Variants in ME1 observed in about 807,000 individuals in gnomAD.
ME1 encodes the protein NADP-dependent malic enzyme.
Under a neutral mutation model 66.4 loss-of-function variants are expected in ME1, and 74 were observed. The observed-to-expected ratio is 1.11, with a 90% CI of 0.92 to 1.35. The LOEUF is 1.35. ME1 is among the 40% of genes most tolerant of loss of function. The pLI is 0.00. For missense variants in ME1, 750 were observed against 694.1 expected (o/e 1.08, Z -0.90); for synonymous variants, 251 against 235.6 (o/e 1.07, Z -0.60).
intron 11 of ME1, among the ~76,000 whole-genome samples, chr6:83,224,320 G>A (rs1163481126): frequency 6.6e-6 from 1 of 152,126 alleles, no homozygotes; most frequent in Non-Finnish European, 1.5e-5. Flanking sequence ...GATATTTTAG[G>A]TTGGGGTTTA....
At chr6:83,242,892 G>A (rs1790534865) in intron 7 of ME1, among the ~76,000 whole-genome samples, 1 of 152,024 alleles carries the variant, frequency 6.6e-6, no homozygotes, top group Admixed American at 6.6e-5. Context: ...AAAAACCCAG[G>A]TATAGGAGGC....
intron 13 of ME1, among the ~76,000 whole-genome samples, chr6:83,214,013 A>T (rs1025257395): frequency 6.6e-5 from 10 of 152,318 alleles, no homozygotes; most frequent in African/African-American, 2.4e-4. Flanking sequence ...CTTTTTAAAC[A>T]GATTTATTGA....
intron 9 of ME1, among the ~76,000 whole-genome samples, chr6:83,236,730 A>T (rs994547032): frequency 6.6e-6 from 1 of 152,190 alleles, no homozygotes; most frequent in Non-Finnish European, 1.5e-5. Context: ...GTTTTCTCTC[A>T]GGAATTCCCA....
chr6:83,297,259 G>GA (rs1207500206), intron 6 of ME1, among the ~76,000 whole-genome samples: 2 of 152,068 alleles, frequency 1.3e-5, no homozygotes, highest in Non-Finnish European at 2.9e-5. Flanking sequence ...CCAGAGAGTT[G>GA]AAAGACCTCT....
intron 3 of ME1, among the ~76,000 whole-genome samples, chr6:83,377,630 AAT>A (rs575059791): frequency 7.2e-5 from 11 of 152,116 alleles, no homozygotes; most frequent in Admixed American, 6.5e-4. Flanking sequence ...TATATAATAT[AAT>A]AATTTAATTT....
chr6:83,414,602 C>T lies in ME1; in HGVS notation c.79-6701G>A, dbSNP rs118134993. ...TTTTGTGATTTAAATGACATGTTTG[C>T]TTAAATTTTTTTTTAAAAAAAGAAA... On this transcript the variant is annotated intron_variant, in intron 1 of 13. Transcript: ENST00000369705. 5.1e-4 allele frequency among the ~76,000 whole-genome samples: 77 copies of T among 151,940 alleles called. No homozygotes were observed. In the East Asian group the frequency reaches 0.013, roughly 25 times the overall value.
chr6:83,429,462 G>A (rs1422232575), intron 1 of ME1, among the ~76,000 whole-genome samples: 3 of 151,986 alleles, frequency 2.0e-5, no homozygotes, highest in Non-Finnish European at 1.5e-5. Flanking sequence ...AATTACAGTA[G>A]GCAGGTGACA....
At chr6:83,367,413 A>G (rs984429764) in intron 3 of ME1, among the ~76,000 whole-genome samples, 9 of 152,172 alleles carry the variant, frequency 5.9e-5, no homozygotes, top group African/African-American at 1.7e-4. Context: ...CAGGCATTGA[A>G]TTCTCCTCTC....
chr6:83,399,635 T>C (rs1343501421), intron 2 of ME1, among the ~76,000 whole-genome samples: 1 of 152,234 alleles, frequency 6.6e-6, no homozygotes, highest in Non-Finnish European at 1.5e-5. Flanking sequence ...TCTAGAAGCA[T>C]TTCTGACCCA....
At position 83,216,573 on chromosome 6, in the gene ME1, A is replaced by G; in HGVS notation, c.1473T>C (p.Asp491=). ...TAEVIAQQVS[D]KHLEEGRLYP... Reference sequence around the variant, plus strand: ...AAAGCCGACCCTCTTCCAAGTGTTTATCTGACACTTGCTGAGCTATAACCT... The same window carrying G: ...AAAGCCGACCCTCTTCCAAGTGTTTGTCTGACACTTGCTGAGCTATAACCT... Residue 491 remains aspartate, a synonymous_variant, in exon 13 of 14, where the codon GAT becomes GAC. Coordinates refer to ENST00000369705, the MANE Select transcript of ME1 (RefSeq NM_002395.6). The G allele has an allele frequency of 6.2e-7, 1 of 1,609,230 alleles. No homozygotes were observed. Among genetic ancestry groups the G allele is most frequent in the East Asian group, 2.2e-5 (1 of 44,844 alleles).
At chr6:83,370,362 CT>C (rs1398465973) in intron 3 of ME1, among the ~76,000 whole-genome samples, 1 of 152,102 alleles carries the variant, frequency 6.6e-6, no homozygotes, top group Non-Finnish European at 1.5e-5. Context: ...AACTTGCTTG[CT>C]TTTTCTAAAC....
chr6:83,370,153 G>A (rs1050617005), intron 3 of ME1, among the ~76,000 whole-genome samples: 2 of 152,130 alleles, frequency 1.3e-5, no homozygotes, highest in Non-Finnish European at 2.9e-5. Context: ...GATAAAGTTA[G>A]GAAGATATGT....
At chr6:83,420,147 A>G (rs1374341178) in intron 1 of ME1, among the ~76,000 whole-genome samples, 1 of 152,056 alleles carries the variant, frequency 6.6e-6, no homozygotes, top group Non-Finnish European at 1.5e-5. Context: ...GGTTCACTGC[A>G]ACCTTCACCT....
At chr6:83,311,751 A>G (rs1283342879) in intron 6 of ME1, among the ~76,000 whole-genome samples, 2 of 152,158 alleles carry the variant, frequency 1.3e-5, no homozygotes, top group Admixed American at 6.5e-5. Context: ...AGCAATAAGG[A>G]TGCTAAGACC....
At chr6:83,247,746 C>G (rs548619717) in intron 7 of ME1, among the ~76,000 whole-genome samples, 20 of 152,188 alleles carry the variant, frequency 1.3e-4, no homozygotes, top group African/African-American at 4.1e-4. Flanking sequence ...CATAAGGGCA[C>G]GATTTTGCAT....
intron 6 of ME1, among the ~76,000 whole-genome samples, chr6:83,296,200 CACA>C (rs1308396871): frequency 2.6e-5 from 4 of 151,988 alleles, no homozygotes; most frequent in African/African-American, 9.7e-5. Context: ...CTGGCAGAGA[CACA>C]ACAACAACAA....
intron 5 of ME1, among the ~76,000 whole-genome samples, chr6:83,328,370 G>A (rs528259965): frequency 4.6e-5 from 7 of 152,160 alleles, no homozygotes; most frequent in African/African-American, 7.2e-5. Flanking sequence ...TGTGGATGAC[G>A]GGTTGATGAG....
chr6:83,348,884 T>C (rs946668270), intron 4 of ME1, among the ~76,000 whole-genome samples: 3 of 148,744 alleles, frequency 2.0e-5, no homozygotes, highest in Admixed American at 6.8e-5. Flanking sequence ...CTCGGGAGGC[T>C]GAGGCAGAAG....
intron 6 of ME1, among the ~76,000 whole-genome samples, chr6:83,283,185 G>A (rs1767334057): frequency 7.8e-6 from 1 of 127,526 alleles, no homozygotes; most frequent in African/African-American, 3.2e-5. Flanking sequence ...CCGAGATCGC[G>A]CCACTGCACT....
Sources: allele counts gnomAD v4.1 joint callset (sites outside exome capture counted in the v4.1 genomes callset), GRCh38; gene constraint gnomAD v4.1.1; transcripts MANE v1.5; gene names NCBI Gene and HGNC (gene_info 2026-07-23, HGNC 2026-07-21).